The following PCDHA12 variants were observed in gnomAD, a reference collection of about 807,000 sequenced individuals.
The protein encoded by PCDHA12 is protocadherin alpha 12, also known as protocadherin alpha-12.
In PCDHA12, 44 loss-of-function variants were observed where a neutral mutation model predicts 60.0. That is an observed-to-expected ratio of 0.73 (90% CI 0.58 to 0.94). The LOEUF (loss-of-function observed/expected upper bound fraction) is 0.94, where lower values mean the gene tolerates loss of function less well. PCDHA12 is among the 40% of genes least tolerant of loss of function. The pLI is 0.00. For missense variants in PCDHA12, 1,276 were observed against 1,239.7 expected (o/e 1.03, Z -0.44); for synonymous variants, 569 against 553.0 (o/e 1.03, Z -0.40).
chr5:140,904,700 C>A (rs1228017325), intron 1 of PCDHA12, among the ~76,000 whole-genome samples: 1 of 152,028 alleles, frequency 6.6e-6, no homozygotes, highest in Non-Finnish European at 1.5e-5. Flanking sequence ...AAATTGTTCC[C>A]TTTTCACCAC....
At chr5:140,919,593 T>C (rs541275874) in intron 1 of PCDHA12, among the ~76,000 whole-genome samples, 1 of 152,214 alleles carries the variant, frequency 6.6e-6, no homozygotes, top group Non-Finnish European at 1.5e-5. Context: ...TGGTAATTTT[T>C]AAAATAAATT....
At chr5:140,881,461 C>T (rs1428843491) in intron 1 of PCDHA12, 1 of 635,408 alleles carries the variant, frequency 1.6e-6, no homozygotes, top group Non-Finnish European at 2.0e-6. Context: ...AACCTTAGAG[C>T]ATTGTTGTGG....
Position 141,009,928 on chromosome 5 carries a change from T to C in PCDHA12, c.2817T>C (p.Ser939=), listed in dbSNP as rs373891102. The change falls in exon 4 of 4, where the codon AGT becomes AGC. Residue 939 remains serine (S), a synonymous_variant. Transcript: ENST00000398631. The stretch of plus-strand genomic sequence containing the variant: ...AAGGGAACAGCACGACTGACAACAG[T>C]GACCAGTGAGGTCCTCAAATGGAAA... ...KEKGNSTTDN[S]DQ is the part of the protein sequence containing the mutation. 3 of 1,607,808 alleles carry C rather than the reference T, an allele frequency of 1.9e-6. No homozygotes were observed. The highest frequency in any genetic ancestry group is 2.5e-6 in the Non-Finnish European group (3 of 1,178,138).
At chr5:140,890,829 T>A (rs1477608523) in intron 1 of PCDHA12, among the ~76,000 whole-genome samples, 1 of 152,226 alleles carries the variant, frequency 6.6e-6, no homozygotes, top group Non-Finnish European at 1.5e-5. Context: ...TGTACTTACA[T>A]ATTTACCAGT....
intron 1 of PCDHA12, among the ~76,000 whole-genome samples, chr5:140,900,519 T>G (rs1264399196): frequency 6.6e-6 from 1 of 152,224 alleles, no homozygotes; most frequent in East Asian, 1.9e-4. Flanking sequence ...TCAGGTGATC[T>G]GCCCACCTCG....
chr5:140,882,133 G>A, intron 1 of PCDHA12: 1 of 1,483,612 alleles, frequency 6.7e-7, no homozygotes, highest in Non-Finnish European at 9.0e-7. Flanking sequence ...TCTTCCTGCA[G>A]AAAATATAGC....
At position 141,010,023 on chromosome 5, in the gene PCDHA12, C is replaced by T. The variant is rs1196328903; in HGVS notation, c.*86C>T. Reference sequence around the variant, plus strand: ...TGTAGCAATTCCCTGCTCCTTTTTCCTATCTACATGAGCCCTCTTAGAGAC... The same window carrying T: ...TGTAGCAATTCCCTGCTCCTTTTTCTTATCTACATGAGCCCTCTTAGAGAC... On this transcript the variant is annotated 3_prime_UTR_variant, in exon 4 of 4. Transcript: ENST00000398631. 10 of 1,571,304 alleles carry T rather than the reference C, an allele frequency of 6.4e-6. No homozygotes were observed. Among genetic ancestry groups the T allele is most frequent in the Non-Finnish European group, 8.6e-6 (10 of 1,163,016 alleles).
rs2098421094 is a variant in PCDHA12 at position 141,011,574 on chromosome 5, TAAATC to T, written c.*1640_*1644del. ...GAAAGACACAGTAAAATTTCTTTCT[TAAATC>T]AAGATACTGGTGATTCAAGGAATTT... On this transcript the variant is annotated 3_prime_UTR_variant, in exon 4 of 4. Transcript: ENST00000398631. 1.3e-5 allele frequency: 2 copies of T among 153,802 alleles called. No individual in the cohort carries two copies. 9.5% of individuals were successfully genotyped at this position (153,802 alleles called of 1,614,324 possible).
chr5:141,009,356 G>A (rs535761188), intron 3 of PCDHA12, among the ~76,000 whole-genome samples: 1 of 152,204 alleles, frequency 6.6e-6, no homozygotes, highest in Admixed American at 6.5e-5. Flanking sequence ...CTACTTGGGA[G>A]GCTAAGATGG....
At chr5:140,969,588 T>A in intron 1 of PCDHA12, 1 of 849,870 alleles carries the variant, frequency 1.2e-6, no homozygotes, top group Non-Finnish European at 1.8e-6. Context: ...GGATTAGTCT[T>A]AATATTTAAT....
chr5:140,927,825 GGCGAGGGA>G (rs782044178), intron 1 of PCDHA12: 1 of 1,614,098 alleles, frequency 6.2e-7, no homozygotes, highest in Non-Finnish European at 8.5e-7. Context: ...CATACATTGA[GGCGAGGGA>G]CGAAGGTGTC....
chr5:140,928,623 A>G (rs1554206072), intron 1 of PCDHA12: 1 of 1,614,210 alleles, frequency 6.2e-7, no homozygotes, highest in African/African-American at 1.3e-5. Flanking sequence ...CCAGGACTGG[A>G]CACTTGGTCA....
At chr5:140,880,857 A>G (rs1296520788) in intron 1 of PCDHA12, among the ~76,000 whole-genome samples, 1 of 152,234 alleles carries the variant, frequency 6.6e-6, no homozygotes, top group African/African-American at 2.4e-5. Flanking sequence ...ATGTAGTCTA[A>G]TTATGTGAAG....
In PCDHA12 at chr5:141,009,726, C is replaced by A. The variant is rs373683237; in HGVS notation, c.2615C>A (p.Pro872His). Residue 872 changes from proline to histidine, a missense_variant, in exon 4 of 4, where the codon CCC (proline) becomes CAC (histidine). By Grantham distance (77) the Pro-to-His change is moderately conservative (BLOSUM62 -2). Coordinates refer to ENST00000398631, the MANE Select transcript of PCDHA12 (RefSeq NM_018903.4). ...YGPGNPKQSGPGELPDKFIIP... is the reference protein window; with the variant it reads ...YGPGNPKQSGHGELPDKFIIP... The stretch of plus-strand genomic sequence containing the variant: ...CCAGGCAACCCCAAACAATCCGGTC[C>A]CGGTGAGTTGCCCGACAAATTCATT... 85 of 1,614,016 alleles carry A rather than the reference C, an allele frequency of 5.3e-5. No individual in the cohort carries two copies. Among genetic ancestry groups the A allele is most frequent in the Non-Finnish European group, 4.4e-5 (52 of 1,180,032 alleles).
chr5:140,978,545 T>C (rs1478928718), intron 1 of PCDHA12, among the ~76,000 whole-genome samples: 2 of 152,258 alleles, frequency 1.3e-5, no homozygotes, highest in Non-Finnish European at 2.9e-5. Context: ...TGTGTAGCCA[T>C]GTGCCCTGTT....
At chr5:140,884,499 C>A (rs782667822) in intron 1 of PCDHA12, 2 of 1,614,062 alleles carry the variant, frequency 1.2e-6, no homozygotes, top group Non-Finnish European at 8.5e-7. Flanking sequence ...TGCTCCAGCG[C>A]GGCAGGGAGT....
intron 2 of PCDHA12, among the ~76,000 whole-genome samples, chr5:140,980,115 G>A (rs1263722649): frequency 6.6e-6 from 1 of 152,142 alleles, no homozygotes; most frequent in African/African-American, 2.4e-5. Flanking sequence ...ATTGGAACCT[G>A]GGTCATAATT....
In PCDHA12 at chr5:140,929,359, C is replaced by T; in HGVS notation, c.2368-49590C>T. 3.3e-6 allele frequency: 5 copies of T among 1,522,308 alleles called. No homozygotes were observed. In the South Asian group the frequency reaches 6.6e-5, roughly 20 times the overall value. 94.3% of individuals were successfully genotyped at this position (1,522,308 alleles called of 1,614,324 possible). ...ATTTTATGGAATTTGATTCCTTTGG[C>T]CCGGAGATGGCTGCTAGCTGTGTTT... On this transcript the variant is annotated intron_variant, in intron 1 of 3. Transcript: ENST00000398631.
At chr5:140,895,207 T>C (rs1392562241) in intron 1 of PCDHA12, among the ~76,000 whole-genome samples, 2 of 152,208 alleles carry the variant, frequency 1.3e-5, no homozygotes, top group Non-Finnish European at 2.9e-5. Context: ...TTTGCTTTTA[T>C]TTCTAATATT....
Sources: gnomAD v4.1 joint callset for allele counts (sites outside exome capture counted in the v4.1 genomes callset) on GRCh38, gnomAD v4.1.1 for gene constraint, MANE v1.5 for transcripts, NCBI Gene and HGNC (gene_info 2026-07-23, HGNC 2026-07-21) for gene names.